ZNF624: variants seen among roughly 807,000 people sequenced by gnomAD.
ZNF624 encodes the protein zinc finger protein 624.
In ZNF624, 43 loss-of-function variants were observed where a neutral mutation model predicts 74.7. The ratio of observed to expected loss-of-function variants is 0.58; its 90% CI spans 0.45 to 0.74. The LOEUF is 0.74. Among genes scored for constraint, ZNF624 ranks in the 30% least tolerant of loss-of-function variants. ZNF624 has a pLI of 0.00. For synonymous variants in ZNF624, 331 were observed against 341.3 expected (o/e 0.97, Z 0.33); for missense variants, 820 against 1,030.0 (o/e 0.80, Z 2.79).
rs150386312 is a variant in ZNF624, at chr17:16,623,421, C to T, written c.1465G>A (p.Val489Ile). ...KAYRSNSSLI[V>I]HIRTHTGEKP... ...TCCCCAGTGTGAGTTCTTATATGTA[C>T]GATAAGGCTTGAATTACTTCTATAG... The change falls in exon 6 of 6, where the codon GTA (valine) becomes ATA (isoleucine). Residue 489 changes from valine (V) to isoleucine (I), a missense_variant. Physicochemically the swap from Val to Ile is conservative, Grantham distance 29. Transcript: ENST00000311331. This position sits in a 1 kb window ranked among gnomAD's most constrained non-coding sequence, Gnocchi z 5.3. 3.4e-5 allele frequency: 55 copies of T among 1,613,760 alleles called. No individual in the cohort carries two copies. Among genetic ancestry groups the T allele is most frequent in the Admixed American group, 1.3e-4 (8 of 59,984 alleles).
downstream of ZNF624, chr17:16,617,439 C>T: frequency 2.5e-6 from 4 of 1,612,512 alleles, no homozygotes; most frequent in Non-Finnish European, 3.4e-6. Flanking sequence ...CAATTACACC[C>T]TCATTTGTTC....
chr17:16,637,257 G>A (rs1275546811), intron 3 of ZNF624, among the ~76,000 whole-genome samples: 1 of 152,204 alleles, frequency 6.6e-6, no homozygotes, highest in African/African-American at 2.4e-5. Flanking sequence ...CTCATGGGTA[G>A]GAAGAACCAA....
chr17:16,616,822 T>C (rs538372113), downstream of ZNF624: 1 of 1,010,314 alleles, frequency 9.9e-7, no homozygotes, highest in South Asian at 1.6e-5. Flanking sequence ...TCCATAATAG[T>C]GTGCAGACAA....
At chr17:16,630,692 ATATTAG>A (rs1216321667) in intron 5 of ZNF624, among the ~76,000 whole-genome samples, 1 of 152,230 alleles carries the variant, frequency 6.6e-6, no homozygotes, top group African/African-American at 2.4e-5. Flanking sequence ...TGCTGTAGTA[ATATTAG>A]TATCAGACAA....
downstream of ZNF624, among the ~76,000 whole-genome samples, chr17:16,619,159 ATGT>A (rs200070237): frequency 4.5e-3 from 686 of 152,338 alleles, 4 homozygotes; most frequent in African/African-American, 0.011. Context: ...TCAATAAATG[ATGT>A]TGAACAAATT....
At chr17:16,653,388 G>C (rs571103372) in intron 1 of ZNF624, among the ~76,000 whole-genome samples, 71 of 152,380 alleles carry the variant, frequency 4.7e-4, no homozygotes, top group African/African-American at 1.7e-3. Context: ...GCCCTCCTCA[G>C]GGCCTGCAAG....
Position 16,628,114 on chromosome 17 carries a change from T to A in ZNF624, c.377-3605A>T, listed in dbSNP as rs537628477. Among the ~76,000 whole-genome samples, 269 of 151,896 alleles carry A rather than the reference T, an allele frequency of 1.8e-3. 2 individuals carry two copies. Among genetic ancestry groups the A allele is most frequent in the African/African-American group, 6.0e-3 (250 of 41,406 alleles). On this transcript the variant is annotated intron_variant, in intron 5 of 5. Coordinates refer to ENST00000311331, the MANE Select transcript of ZNF624 (RefSeq NM_020787.4). ...ATCTCTACTAAAAAATACAAAAAAA[T>A]TGGCCAGGCATGGTGGTGCATGCCT...
chr17:16,633,735 G>A, intron 5 of ZNF624, 127 bp downstream of exon 5: 1 of 646,054 alleles, frequency 1.5e-6, no homozygotes, highest in Non-Finnish European at 2.6e-6. Context: ...GTGAGATGGG[G>A]GATCTCTTCC....
At position 16,621,695 on chromosome 17, in the gene ZNF624, T is replaced by C. The variant is rs1418856938; in HGVS notation, c.*593A>G. On this transcript the variant is annotated 3_prime_UTR_variant, in exon 6 of 6. Coordinates refer to ENST00000311331, the MANE Select transcript of ZNF624 (RefSeq NM_020787.4). ...ACAGTTGCTCTCCTATGAAGAACCA[T>C]CCAGTCCAGAGGGATTAAAGACTTA... The C allele has an allele frequency of 6.6e-6, 1 of 152,178 alleles. No individual in the cohort carries two copies. Among genetic ancestry groups the C allele is most frequent in the Non-Finnish European group, 1.5e-5 (1 of 68,048 alleles). The allele number at this position is 152,178 out of a possible 1,614,324, so 9.4% of individuals were successfully genotyped here.
chr17:16,616,986 G>T, downstream of ZNF624: 1 of 1,603,504 alleles, frequency 6.2e-7, no homozygotes, highest in South Asian at 1.1e-5. Flanking sequence ...AATTGGAACG[G>T]GACTGGCTCC....
chr17:16,616,067 TACATCAAAA>T (rs1202036703), downstream of ZNF624, among the ~76,000 whole-genome samples: 2 of 148,942 alleles, frequency 1.3e-5, no homozygotes, highest in Non-Finnish European at 3.0e-5. Context: ...ATAGCATTTA[TACATCAAAA>T]ACATCAAATG....
the ZNF624 span, among the ~76,000 whole-genome samples, chr17:16,615,349 G>T: frequency 2.6e-5 from 4 of 152,010 alleles, no homozygotes; most frequent in Non-Finnish European, 5.9e-5. Flanking sequence ...TGCCCGCCTC[G>T]GCCTCCCAAA....
At chr17:16,616,336 T>G (rs1253939143), downstream of ZNF624, among the ~76,000 whole-genome samples, 1 of 152,130 alleles carries the variant, frequency 6.6e-6, no homozygotes, top group African/African-American at 2.4e-5. Flanking sequence ...TTTAAAGGAA[T>G]TTAATAGTGA....
intron 1 of ZNF624, 133 bp from the exon 2 acceptor site, chr17:16,649,879 G>A: frequency 1.5e-6 from 1 of 670,136 alleles, no homozygotes; most frequent in Non-Finnish European, 2.6e-6. Flanking sequence ...GATCAGTGAG[G>A]GACAAAGACC....
intron 5 of ZNF624, among the ~76,000 whole-genome samples, chr17:16,630,089 T>A (rs1263631913): frequency 6.6e-6 from 1 of 152,102 alleles, no homozygotes; most frequent in Non-Finnish European, 1.5e-5. Flanking sequence ...CTGCCCTGCC[T>A]TTTATAGAAA....
Position 16,640,343 on chromosome 17 carries a change from C to T in ZNF624, c.154-5587G>A, listed in dbSNP as rs145138965. On this transcript the variant is annotated intron_variant, in intron 3 of 5. Coordinates refer to ENST00000311331, the MANE Select transcript of ZNF624 (RefSeq NM_020787.4). ...AAGAAATCAGTAACCTAAATTTATACCTTAAGGAACTAGAGAAGGAAGAGT... is the reference window on the plus strand; with the variant it reads ...AAGAAATCAGTAACCTAAATTTATATCTTAAGGAACTAGAGAAGGAAGAGT... 3.3e-3 allele frequency among the ~76,000 whole-genome samples: 506 copies of T among 151,692 alleles called. 7 individuals carry two copies. Among genetic ancestry groups the T allele is most frequent in the African/African-American group, 0.011 (474 of 41,328 alleles).
chr17:16,641,753 A>G (rs1012846198), intron 3 of ZNF624, among the ~76,000 whole-genome samples: 3 of 152,224 alleles, frequency 2.0e-5, no homozygotes, highest in African/African-American at 7.2e-5. Flanking sequence ...ACCCTAATAA[A>G]TCCACATATA....
intron 1 of ZNF624, among the ~76,000 whole-genome samples, chr17:16,653,314 C>A (rs1210579477): frequency 3.8e-5 from 5 of 130,994 alleles, no homozygotes; most frequent in African/African-American, 1.0e-4. Flanking sequence ...GAAGCCAGAG[C>A]GGATATGCTC....
chr17:16,651,806 A>G (rs1909731656), intron 1 of ZNF624, among the ~76,000 whole-genome samples: 1 of 152,156 alleles, frequency 6.6e-6, no homozygotes, highest in African/African-American at 2.4e-5. Flanking sequence ...ATGCTTATTA[A>G]AAAGGAAATT....
Sources: allele counts gnomAD v4.1 joint callset (sites outside exome capture counted in the v4.1 genomes callset), GRCh38; gene constraint gnomAD v4.1.1; non-coding constraint Gnocchi (gnomAD v3.1); transcripts MANE v1.5; gene names NCBI Gene and HGNC (gene_info 2026-07-23, HGNC 2026-07-21).